BMPER: variants seen among roughly 807,000 people sequenced by gnomAD.
BMPER encodes the protein BMP binding endothelial regulator.
Under a neutral mutation model 87.3 loss-of-function variants are expected in BMPER, and 45 were observed. The observed-to-expected ratio is 0.52, with a 90% CI of 0.41 to 0.66. BMPER has a LOEUF of 0.66. Among genes scored for constraint, BMPER ranks in the 30% least tolerant of loss-of-function variants. The probability of loss-of-function intolerance (pLI) is 0.00; values close to 1 mark genes in which losing one functional copy is unlikely to be tolerated. For missense variants in BMPER, 784 were observed against 867.5 expected, an observed-to-expected ratio of 0.90 and a Z score of 1.21; for synonymous variants, 326 against 316.2, an observed-to-expected ratio of 1.03 and a Z score of -0.33.
chr7:34,109,179 A>G (rs997520327), intron 13 of BMPER, among the ~76,000 whole-genome samples: 3 of 152,160 alleles, frequency 2.0e-5, no homozygotes, highest in African/African-American at 7.2e-5. Flanking sequence ...TCCCAGTCCA[A>G]AGACCACCAG....
intron 12 of BMPER, among the ~76,000 whole-genome samples, chr7:34,084,333 G>A (rs1354737927): frequency 6.6e-6 from 1 of 152,186 alleles, no homozygotes; most frequent in Non-Finnish European, 1.5e-5. Flanking sequence ...GCCACACGGG[G>A]TAAGTGGGCA....
intron 6 of BMPER, among the ~76,000 whole-genome samples, chr7:34,015,594 A>G (rs1234939578): frequency 2.6e-5 from 4 of 151,956 alleles, no homozygotes; most frequent in Admixed American, 6.6e-5. Flanking sequence ...GCAGAAAGCA[A>G]CAAAGCTTGG....
intron 6 of BMPER, among the ~76,000 whole-genome samples, chr7:33,975,181 C>T (rs1486905367): frequency 1.3e-5 from 2 of 152,140 alleles, no homozygotes; most frequent in Non-Finnish European, 2.9e-5. Context: ...CCACGTGCCT[C>T]CTTTTTTGGG....
Position 34,140,206 on chromosome 7 carries a change from G to A in BMPER, c.1746-3024G>A, listed in dbSNP as rs546939197. 2.6e-5 allele frequency among the ~76,000 whole-genome samples: 4 copies of A among 152,270 alleles called. No individual in the cohort carries two copies. The South Asian group carries it at 8.3e-4, about 32-fold the overall frequency. ...GAAAATCTCTGCCTCATAGCCCATT[G>A]CCATGTGGACTGGAGGAGACATTCC... is the stretch of plus-strand genomic sequence containing the variant. On this transcript the variant is annotated intron_variant, in intron 13 of 14. Coordinates refer to ENST00000649409, the MANE Select transcript of BMPER (RefSeq NM_001365308.1).
chr7:34,060,082 A>G (rs1585788541), intron 10 of BMPER, among the ~76,000 whole-genome samples: 7 of 152,298 alleles, frequency 4.6e-5, no homozygotes, highest in Admixed American at 2.6e-4. Context: ...TGGTATTTCT[A>G]GACCCTGCTT....
intron 6 of BMPER, among the ~76,000 whole-genome samples, chr7:33,994,442 G>A (rs185699032): frequency 1.7e-4 from 26 of 152,294 alleles, no homozygotes; most frequent in Non-Finnish European, 2.2e-4. Flanking sequence ...GACCCCTTGC[G>A]CTTCCCAAGT....
chr7:33,970,289 A>T, intron 4 of BMPER, 40 bp from the exon 5 acceptor site: 1 of 1,591,950 alleles, frequency 6.3e-7, no homozygotes. Context: ...ACTCCGTGGG[A>T]ATTCTGGGCT....
chr7:33,996,578 T>A (rs1459782890), intron 6 of BMPER, among the ~76,000 whole-genome samples: 1 of 152,208 alleles, frequency 6.6e-6, no homozygotes, highest in Non-Finnish European at 1.5e-5. Flanking sequence ...TGACTGCACT[T>A]TATTTAATAC....
intron 14 of BMPER, among the ~76,000 whole-genome samples, chr7:34,143,606 T>C (rs923357357): frequency 1.3e-5 from 2 of 152,236 alleles, no homozygotes; most frequent in African/African-American, 4.8e-5. Flanking sequence ...ATTTCCACTG[T>C]TGCAAAATCC....
intron 13 of BMPER, among the ~76,000 whole-genome samples, chr7:34,127,506 A>G (rs895709087): frequency 1.3e-5 from 2 of 151,974 alleles, no homozygotes; most frequent in Non-Finnish European, 1.5e-5. Flanking sequence ...CTTCTCCCTG[A>G]TCCCACCAAG....
intron 13 of BMPER, among the ~76,000 whole-genome samples, chr7:34,135,032 C>T (rs573763147): frequency 6.0e-4 from 91 of 152,122 alleles, no homozygotes; most frequent in African/African-American, 1.6e-3. Flanking sequence ...CTGCTGTGCA[C>T]GTAATGCCAT....
chr7:34,080,264 G>A lies in BMPER; in HGVS notation c.1408+1078G>A, dbSNP rs138173137. Among the ~76,000 whole-genome samples, 293 of 152,278 alleles carry A rather than the reference G, an allele frequency of 1.9e-3. 1 individual carries two copies. Among genetic ancestry groups the A allele is most frequent in the African/African-American group, 6.9e-3 (286 of 41,560 alleles). On this transcript the variant is annotated intron_variant, in intron 12 of 14. Coordinates refer to ENST00000649409, the MANE Select transcript of BMPER (RefSeq NM_001365308.1). ...GCACTTTTCAGGGGCTATAGAGACT[G>A]TTTTTACCATACCTTCAGAACCCTG... is the stretch of plus-strand genomic sequence containing the variant.
intron 13 of BMPER, among the ~76,000 whole-genome samples, chr7:34,104,275 G>C (rs572738310): frequency 1.3e-5 from 2 of 152,066 alleles, no homozygotes; most frequent in Admixed American, 1.3e-4. Flanking sequence ...ATATACTACC[G>C]TGATTCCTCT....
chr7:33,944,151 T>A (rs1784827167), intron 3 of BMPER, among the ~76,000 whole-genome samples: 1 of 151,974 alleles, frequency 6.6e-6, no homozygotes, highest in South Asian at 2.1e-4. Flanking sequence ...TTCTTCTATT[T>A]TTATTTATTT....
At chr7:33,974,397 G>T (rs1421586229) in intron 5 of BMPER, among the ~76,000 whole-genome samples, 2 of 152,028 alleles carry the variant, frequency 1.3e-5, no homozygotes, top group African/African-American at 4.8e-5. Context: ...CTCTGGCAGT[G>T]GGCAGCATGA....
chr7:34,023,015 A>G (rs1787239082), intron 6 of BMPER, among the ~76,000 whole-genome samples: 1 of 152,080 alleles, frequency 6.6e-6, no homozygotes, highest in Non-Finnish European at 1.5e-5. Flanking sequence ...TGAGAAGGCT[A>G]CAGGGAAGGG....
intron 2 of BMPER, among the ~76,000 whole-genome samples, chr7:33,911,457 G>T (rs1783959900): frequency 6.6e-6 from 1 of 152,224 alleles, no homozygotes; most frequent in Non-Finnish European, 1.5e-5. Flanking sequence ...AAGAGCTTCA[G>T]AGAGTCCTTT....
intron 2 of BMPER, among the ~76,000 whole-genome samples, chr7:33,926,148 C>G (rs576317763): frequency 1.3e-5 from 2 of 152,292 alleles, no homozygotes; most frequent in South Asian, 4.2e-4. Context: ...CTGTTCCCAT[C>G]AAAACCTGGC....
At chr7:34,039,658 T>A (rs1397350332) in intron 6 of BMPER, among the ~76,000 whole-genome samples, 1 of 151,504 alleles carries the variant, frequency 6.6e-6, no homozygotes. Context: ...ACCACTGTGG[T>A]GTATACATGC....
Sources: gnomAD v4.1 joint callset for allele counts (sites outside exome capture counted in the v4.1 genomes callset) on GRCh38, gnomAD v4.1.1 for gene constraint, MANE v1.5 for transcripts, NCBI Gene and HGNC (gene_info 2026-07-23, HGNC 2026-07-21) for gene names.